ADAMTS17: variants seen among roughly 807,000 people sequenced by gnomAD.
ADAMTS17 encodes ADAM metallopeptidase with thrombospondin type 1 motif 17, also known as A disintegrin and metalloproteinase with thrombospondin motifs 17.
In ADAMTS17, 113 loss-of-function variants were observed where a neutral mutation model predicts 141.5. The observed-to-expected ratio is 0.80, with a 90% CI of 0.69 to 0.93. The LOEUF (loss-of-function observed/expected upper bound fraction) is 0.93, where lower values mean the gene tolerates loss of function less well. ADAMTS17 is among the 40% of genes least tolerant of loss of function. The pLI is 0.00. For synonymous variants in ADAMTS17, 768 were observed against 630.6 expected (o/e 1.22, Z -3.27); for missense variants, 1,659 against 1,517.9 (o/e 1.09, Z -1.54).
At chr15:100,109,562 T>C (rs2036620208) in intron 13 of ADAMTS17, among the ~76,000 whole-genome samples, 1 of 152,052 alleles carries the variant, frequency 6.6e-6, no homozygotes, top group South Asian at 2.1e-4. Context: ...ACAGTAGCTT[T>C]GGTAAGAGCT....
intron 18 of ADAMTS17, among the ~76,000 whole-genome samples, chr15:100,002,006 A>AAAGGCCAAAACC (rs2060936751): frequency 6.7e-6 from 1 of 149,942 alleles, no homozygotes. Context: ...AAAAAAAAAA[A>AAAGGCCAAAACC]AAAAAAAAAA....
At chr15:100,337,667 TGTGA>T (rs746532080) in intron 2 of ADAMTS17, among the ~76,000 whole-genome samples, 129 of 152,352 alleles carry the variant, frequency 8.5e-4, no homozygotes, top group Non-Finnish European at 1.6e-3. Context: ...TCCCAAGCTT[TGTGA>T]GTATCATCCA....
At chr15:100,337,843 T>C (rs1182850501) in intron 2 of ADAMTS17, among the ~76,000 whole-genome samples, 2 of 152,226 alleles carry the variant, frequency 1.3e-5, no homozygotes, top group East Asian at 1.9e-4. Context: ...GTTCTTGAAG[T>C]GCCCTCTCCG....
At chr15:100,303,221 T>A (rs2045106348) in intron 3 of ADAMTS17, among the ~76,000 whole-genome samples, 1 of 147,384 alleles carries the variant, frequency 6.8e-6, no homozygotes, top group African/African-American at 2.5e-5. Context: ...ATATGTAACA[T>A]ATATATTATA....
chr15:100,135,011 G>C (rs2038252607), intron 10 of ADAMTS17, among the ~76,000 whole-genome samples: 1 of 152,182 alleles, frequency 6.6e-6, no homozygotes, highest in African/African-American at 2.4e-5. Flanking sequence ...TCTGTGTGTG[G>C]ACATGTGCTC....
At chr15:100,223,251 G>C (rs868312126) in intron 7 of ADAMTS17, among the ~76,000 whole-genome samples, 1 of 152,186 alleles carries the variant, frequency 6.6e-6, no homozygotes. Context: ...CTGCCACGTG[G>C]GGATGTGCGC....
intron 20 of ADAMTS17, among the ~76,000 whole-genome samples, chr15:99,983,629 G>A (rs1395649316): frequency 6.6e-6 from 1 of 152,208 alleles, no homozygotes; most frequent in Admixed American, 6.5e-5. Context: ...ATACACGCCT[G>A]GGCTCTGCTT....
intron 18 of ADAMTS17, among the ~76,000 whole-genome samples, chr15:100,036,286 T>C: frequency 6.6e-6 from 1 of 152,224 alleles, no homozygotes. Flanking sequence ...GGGCAAATTC[T>C]CTGTCTTAGG....
intron 15 of ADAMTS17, among the ~76,000 whole-genome samples, chr15:100,072,702 A>G (rs1040765920): frequency 3.3e-5 from 5 of 152,214 alleles, no homozygotes; most frequent in Non-Finnish European, 5.9e-5. Flanking sequence ...CTGGCTAGCC[A>G]TATGTAGAAA....
At chr15:100,314,396 T>C (rs1002220964) in intron 3 of ADAMTS17, among the ~76,000 whole-genome samples, 6 of 152,174 alleles carry the variant, frequency 3.9e-5, no homozygotes, top group Non-Finnish European at 7.3e-5. Flanking sequence ...TTTGTATGTA[T>C]AGATAAAGGG....
intron 8 of ADAMTS17, among the ~76,000 whole-genome samples, chr15:100,180,274 G>T (rs772311208): frequency 2.6e-5 from 4 of 152,190 alleles, no homozygotes; most frequent in African/African-American, 4.8e-5. Flanking sequence ...TGAGGAGACT[G>T]TCCTTTCCCC....
intron 8 of ADAMTS17, among the ~76,000 whole-genome samples, chr15:100,176,085 A>G (rs2040328931): frequency 6.6e-6 from 1 of 152,190 alleles, no homozygotes; most frequent in South Asian, 2.1e-4. Context: ...ATGGTAAAAG[A>G]ATGAGGAAGG....
intron 8 of ADAMTS17, among the ~76,000 whole-genome samples, chr15:100,165,654 T>G (rs765812588): frequency 2.6e-4 from 40 of 152,332 alleles, no homozygotes; most frequent in Non-Finnish European, 5.0e-4. Flanking sequence ...GTTTCTGACC[T>G]GAGAAACCAT....
rs2043551532 is a variant in ADAMTS17 at position 100,262,336 on chromosome 15, G to A, written c.873+16C>T. ...CACATTTTCTGCTTGCTTGAAAGGTGCCTGTGGGGACTTACGGGACGTTGT... is the reference window on the plus strand; with the variant it reads ...CACATTTTCTGCTTGCTTGAAAGGTACCTGTGGGGACTTACGGGACGTTGT... On this transcript the variant is annotated intron_variant, in intron 5 of 21. Transcript: ENST00000268070. The A allele has an allele frequency of 6.2e-7, 1 of 1,611,534 alleles. No homozygotes were observed. Among genetic ancestry groups the A allele is most frequent in the Admixed American group, 1.7e-5 (1 of 59,924 alleles).
chr15:99,996,864 T>C (rs1048323728), intron 19 of ADAMTS17, among the ~76,000 whole-genome samples: 3 of 152,062 alleles, frequency 2.0e-5, no homozygotes, highest in Non-Finnish European at 2.9e-5. Flanking sequence ...AGAGATAAAA[T>C]TGTACTCCCA....
At chr15:100,154,952 G>C (rs973043411) in intron 9 of ADAMTS17, among the ~76,000 whole-genome samples, 1 of 152,178 alleles carries the variant, frequency 6.6e-6, no homozygotes, top group Non-Finnish European at 1.5e-5. Context: ...TGAGTCGATC[G>C]GCAATTACGT....
At chr15:100,045,560 T>C (rs2031619620) in intron 18 of ADAMTS17, among the ~76,000 whole-genome samples, 1 of 152,220 alleles carries the variant, frequency 6.6e-6, no homozygotes, top group African/African-American at 2.4e-5. Context: ...GCCTGTCTTA[T>C]TCTTAGATTT....
At chr15:100,182,507 C>T (rs555518261) in intron 8 of ADAMTS17, among the ~76,000 whole-genome samples, 1 of 152,182 alleles carries the variant, frequency 6.6e-6, no homozygotes, top group Non-Finnish European at 1.5e-5. Flanking sequence ...ACAGAGATTA[C>T]CTCTCTGTGC....
At chr15:99,994,669 C>T (rs1265678593) in intron 19 of ADAMTS17, among the ~76,000 whole-genome samples, 14 of 152,156 alleles carry the variant, frequency 9.2e-5, no homozygotes, top group Non-Finnish European at 1.9e-4. Flanking sequence ...CGGGTTCAAG[C>T]GATTCTCCTG....
Sources: allele counts gnomAD v4.1 joint callset (sites outside exome capture counted in the v4.1 genomes callset), GRCh38; gene constraint gnomAD v4.1.1; transcripts MANE v1.5; gene names NCBI Gene and HGNC (gene_info 2026-07-23, HGNC 2026-07-21).